Variants in AK5 observed in about 807,000 individuals in gnomAD.
AK5 encodes adenylate kinase isoenzyme 5.
AK5 carries 27 observed loss-of-function variants against 69.5 expected under a neutral mutation model. The ratio of observed to expected loss-of-function variants is 0.39; its 90% confidence interval spans 0.29 to 0.54. The LOEUF is 0.54. AK5 is among the 20% of genes least tolerant of loss of function. AK5 has a pLI of 0.71. For synonymous variants in AK5, 260 were observed against 244.4 expected (o/e 1.06, Z -0.60); for missense variants, 531 against 700.4 (o/e 0.76, Z 2.73).
intron 6 of AK5, among the ~76,000 whole-genome samples, chr1:77,398,883 C>T (rs529392749): frequency 1.2e-4 from 19 of 152,094 alleles, no homozygotes; most frequent in Admixed American, 3.9e-4. Flanking sequence ...AGGTGGTATA[C>T]GAGATTGGGT....
In AK5 at chr1:77,391,489, GTGTGTGTATATATATA is replaced by G. The variant is rs1332401212; in HGVS notation, c.892-19490_892-19475del. Among the ~76,000 whole-genome samples the G allele has an allele frequency of 6.9e-4, 13 of 18,790 alleles. 1 individual carries two copies. Among genetic ancestry groups the G allele is most frequent in the African/African-American group, 4.6e-3 (13 of 2,826 alleles). The allele number at this position is 18,790 out of a possible 152,430, so 12.3% of individuals were successfully genotyped here. Reference sequence around the variant, plus strand: ...TACACATATGTGTGTGTGTATGTGTGTGTGTGTATATATATATATATATATATATATATATATATCT... The same window carrying G: ...TACACATATGTGTGTGTGTATGTGTGTATATATATATATATATATATATCT... On this transcript the variant is annotated intron_variant, in intron 6 of 13. Transcript: ENST00000354567.
intron 5 of AK5, among the ~76,000 whole-genome samples, chr1:77,322,614 T>G (rs937806355): frequency 6.6e-6 from 1 of 152,208 alleles, no homozygotes; most frequent in Non-Finnish European, 1.5e-5. Context: ...TGGTAGCTAC[T>G]GATCTCATTT....
intron 6 of AK5, among the ~76,000 whole-genome samples, chr1:77,410,532 G>T (rs941732752): frequency 6.6e-6 from 1 of 151,974 alleles, no homozygotes; most frequent in African/African-American, 2.4e-5. Context: ...TGCCCACCTC[G>T]GCCTCCCAAA....
intron 8 of AK5, among the ~76,000 whole-genome samples, chr1:77,466,040 G>A (rs941128732): frequency 6.6e-6 from 1 of 151,942 alleles, no homozygotes; most frequent in Non-Finnish European, 1.5e-5. Flanking sequence ...CTTACTTCTC[G>A]TTGCTCCTGG....
intron 8 of AK5, 110 bp from the exon 9 acceptor site, chr1:77,483,206 GA>G: frequency 1.3e-6 from 1 of 749,672 alleles, no homozygotes; most frequent in Non-Finnish European, 2.4e-6. Context: ...AAATTGTTTG[GA>G]GGTGCCTCCC....
intron 8 of AK5, among the ~76,000 whole-genome samples, chr1:77,472,002 G>A (rs541553619): frequency 1.2e-4 from 19 of 152,282 alleles, no homozygotes; most frequent in African/African-American, 4.6e-4. Flanking sequence ...TTAGATTAAT[G>A]ATAAGTGCCT....
chr1:77,448,085 G>C (rs925684018), intron 8 of AK5, among the ~76,000 whole-genome samples: 1 of 152,164 alleles, frequency 6.6e-6, no homozygotes, highest in Non-Finnish European at 1.5e-5. Flanking sequence ...GGTCCCCCTT[G>C]ACATGAACAG....
intron 8 of AK5, among the ~76,000 whole-genome samples, chr1:77,423,509 A>C (rs1650991250): frequency 6.6e-6 from 1 of 152,114 alleles, no homozygotes; most frequent in South Asian, 2.1e-4. Flanking sequence ...GAAAATAAAC[A>C]ATCACTCTTA....
intron 5 of AK5, 78 bp from the exon 6 acceptor site, chr1:77,340,299 A>G: frequency 7.1e-7 from 1 of 1,399,744 alleles, no homozygotes; most frequent in South Asian, 1.3e-5. Context: ...CACAGAACAA[A>G]AGGAAATGAA....
At chr1:77,366,885 A>G (rs959306954) in intron 6 of AK5, among the ~76,000 whole-genome samples, 3 of 139,186 alleles carry the variant, frequency 2.2e-5, no homozygotes, top group African/African-American at 8.0e-5. Context: ...TACCTTAAGC[A>G]GAAGACTTAG....
intron 8 of AK5, among the ~76,000 whole-genome samples, chr1:77,475,694 CA>C (rs1360952171): frequency 6.6e-6 from 1 of 151,046 alleles, no homozygotes; most frequent in Non-Finnish European, 1.5e-5. Flanking sequence ...TTCTGTTTTA[CA>C]AGGAATTAGA....
intron 2 of AK5, among the ~76,000 whole-genome samples, chr1:77,292,822 G>A (rs1658766787): frequency 6.6e-6 from 1 of 152,088 alleles, no homozygotes; most frequent in South Asian, 2.1e-4. Flanking sequence ...TACCACTGCA[G>A]CCCAAATGTA....
chr1:77,335,092 A>G (rs1323026066), intron 5 of AK5, among the ~76,000 whole-genome samples: 2 of 152,216 alleles, frequency 1.3e-5, no homozygotes, highest in Non-Finnish European at 2.9e-5. Context: ...ACTTCTTCAT[A>G]AAGAATAGGG....
intron 6 of AK5, among the ~76,000 whole-genome samples, chr1:77,390,604 C>A (rs1648356637): frequency 6.6e-6 from 1 of 151,872 alleles, no homozygotes; most frequent in African/African-American, 2.4e-5. Flanking sequence ...AAACATGGAA[C>A]CAGGGAGATC....
intron 8 of AK5, among the ~76,000 whole-genome samples, chr1:77,419,328 A>T (rs1168836733): frequency 1.3e-5 from 2 of 152,202 alleles, no homozygotes; most frequent in East Asian, 3.8e-4. Flanking sequence ...AAAATTACAG[A>T]CTGCACAAAG....
rs1314884360 is a variant in AK5, at chr1:77,559,319, CCTT to C, written c.*652_*654del. ...TAAAACCCAGGTTAGTCATCAGTAA[CCTT>C]CTCTATTATTATTATTTTTTAGAAA... On this transcript the variant is annotated 3_prime_UTR_variant, in exon 14 of 14. Coordinates refer to ENST00000354567, the MANE Select transcript of AK5 (RefSeq NM_174858.3). The C allele has an allele frequency of 1.3e-5, 2 of 151,858 alleles. No homozygotes were observed. Among genetic ancestry groups the C allele is most frequent in the Non-Finnish European group, 2.9e-5 (2 of 67,998 alleles). 9.4% of individuals were successfully genotyped at this position (151,858 alleles called of 1,614,324 possible).
At position 77,398,120 on chromosome 1, in the gene AK5, G is replaced by A. The variant is rs191798664; in HGVS notation, c.892-12861G>A. On this transcript the variant is annotated intron_variant, in intron 6 of 13. Transcript: ENST00000354567. ...GGCCATGGTAGTTAACGTCAAAATTGCAGGAGATAAATTTTTTTAAAGGAT... is the reference window on the plus strand; with the variant it reads ...GGCCATGGTAGTTAACGTCAAAATTACAGGAGATAAATTTTTTTAAAGGAT... Among the ~76,000 whole-genome samples the A allele has an allele frequency of 3.3e-5, 5 of 150,762 alleles. No individual in the cohort carries two copies. The East Asian group carries it at 9.6e-4, about 29-fold the overall frequency.
Position 77,346,588 on chromosome 1 carries a change from C to T in AK5, c.891+6020C>T, listed in dbSNP as rs1451618616. Among the ~76,000 whole-genome samples the T allele has an allele frequency of 2.0e-5, 3 of 152,256 alleles. No individual in the cohort carries two copies. The East Asian group carries it at 5.8e-4, about 29-fold the overall frequency. On this transcript the variant is annotated intron_variant, in intron 6 of 13. Coordinates refer to ENST00000354567, the MANE Select transcript of AK5 (RefSeq NM_174858.3). ...CTCAGCTCACTGCAACCTCTGCCTC[C>T]CAGGTTCAAGCCATCCTCCCACCTT...
chr1:77,393,236 C>T (rs576644178), intron 6 of AK5, among the ~76,000 whole-genome samples: 76 of 152,276 alleles, frequency 5.0e-4, no homozygotes, highest in African/African-American at 1.7e-3. Context: ...TCAGAGTAAA[C>T]ACATCAATCT....
Sources: gnomAD v4.1 joint callset for allele counts (sites outside exome capture counted in the v4.1 genomes callset) on GRCh38, gnomAD v4.1.1 for gene constraint, MANE v1.5 for transcripts, NCBI Gene and HGNC (gene_info 2026-07-23, HGNC 2026-07-21) for gene names.